The following NELL1 variants were observed in gnomAD, a reference collection of about 807,000 sequenced individuals.
NELL1 encodes protein kinase C-binding protein NELL1.
NELL1 carries 76 observed loss-of-function variants against 107.4 expected under a neutral mutation model. The ratio of observed to expected loss-of-function variants is 0.71; its 90% CI spans 0.59 to 0.86. The LOEUF is 0.86. Among genes scored for constraint, NELL1 ranks in the 40% least tolerant of loss-of-function variants. The probability of loss-of-function intolerance (pLI) is 0.00; values close to 1 mark genes in which losing one functional copy is unlikely to be tolerated. For synonymous variants in NELL1, 353 were observed against 341.2 expected (o/e 1.03, Z -0.38); for missense variants, 1,024 against 1,005.5 (o/e 1.02, Z -0.25).
intron 4 of NELL1, among the ~76,000 whole-genome samples, chr11:20,869,175 C>G (rs765884857): frequency 6.6e-6 from 1 of 152,102 alleles, no homozygotes; most frequent in Non-Finnish European, 1.5e-5. Context: ...GTTTACTTAA[C>G]TGATGTTTCT....
intron 15 of NELL1, among the ~76,000 whole-genome samples, chr11:21,421,856 C>T (rs1590920483): frequency 2.6e-5 from 4 of 152,038 alleles, no homozygotes; most frequent in Non-Finnish European, 4.4e-5. Context: ...ATAATCAAAC[C>T]GTCAAAACCC....
At position 20,669,765 on chromosome 11, in the gene NELL1, C is replaced by T. The variant is rs760704383; in HGVS notation, c.42C>T (p.Cys14=). 2 of 1,613,410 alleles carry T rather than the reference C, an allele frequency of 1.2e-6. No individual in the cohort carries two copies. Among genetic ancestry groups the T allele is most frequent in the Admixed American group, 3.3e-5 (2 of 59,988 alleles). The change falls in exon 1 of 20, where the codon TGC becomes TGT. Residue 14 remains cysteine, a synonymous_variant. Coordinates refer to ENST00000357134, the MANE Select transcript of NELL1 (RefSeq NM_006157.5). This position sits in a 1 kb window ranked among gnomAD's most constrained non-coding sequence, Gnocchi z 4.4. ...TTTTAGTTGTGTGGTTCTGTGTGTGCACTGCCAGGACAGGTAAGCATGACT... is the reference window on the plus strand; with the variant it reads ...TTTTAGTTGTGTGGTTCTGTGTGTGTACTGCCAGGACAGGTAAGCATGACT... ...DLILVVWFCV[C]TARTVVGFGM...
rs181562783 is a variant in NELL1 at position 21,310,691 on chromosome 11, C to T, written c.1550-60162C>T. 6.3e-4 allele frequency among the ~76,000 whole-genome samples: 96 copies of T among 151,878 alleles called. 1 individual carries two copies. Among genetic ancestry groups the T allele is most frequent in the South Asian group, 1.7e-3 (8 of 4,814 alleles). ...CATTATAGAAATCTAACACAGGATGCGATTTGGAAAGATGGTGTCCAAGCA... is the reference window on the plus strand; with the variant it reads ...CATTATAGAAATCTAACACAGGATGTGATTTGGAAAGATGGTGTCCAAGCA... On this transcript the variant is annotated intron_variant, in intron 14 of 19. Transcript: ENST00000357134.
In NELL1 at chr11:21,230,392, C is replaced by A. The variant is rs992830142; in HGVS notation, c.1549+938C>A. On this transcript the variant is annotated intron_variant, in intron 14 of 19. Coordinates refer to ENST00000357134, the MANE Select transcript of NELL1 (RefSeq NM_006157.5). ...ACAGTGAACACTTGATCTTCTCCCCCCATTGTCCCTGGCATTTAGAGTGTG... is the reference window on the plus strand; with the variant it reads ...ACAGTGAACACTTGATCTTCTCCCCACATTGTCCCTGGCATTTAGAGTGTG... Among the ~76,000 whole-genome samples, 84 of 152,308 alleles carry A rather than the reference C, an allele frequency of 5.5e-4. 1 individual carries two copies. Among genetic ancestry groups the A allele is most frequent in the Admixed American group, 4.6e-3 (71 of 15,298 alleles).
intron 19 of NELL1, among the ~76,000 whole-genome samples, chr11:21,573,651 T>G (rs1857155626): frequency 6.6e-6 from 1 of 151,856 alleles, no homozygotes; most frequent in Middle Eastern, 3.2e-3. Context: ...CTACATAATT[T>G]TGACAAGTGA....
intron 14 of NELL1, chr11:21,284,968 C>A (rs1055321250): frequency 5.1e-6 from 1 of 195,616 alleles, no homozygotes; most frequent in Admixed American, 5.3e-5. Context: ...GCCTTGGAGG[C>A]TAAGCTATCC....
chr11:21,340,427 C>T (rs908834065), intron 14 of NELL1, among the ~76,000 whole-genome samples: 3 of 152,186 alleles, frequency 2.0e-5, no homozygotes. Context: ...GCTGGGATTA[C>T]AGGCGTGAGC....
At chr11:21,308,273 T>C (rs1321804727) in intron 14 of NELL1, among the ~76,000 whole-genome samples, 1 of 151,984 alleles carries the variant, frequency 6.6e-6, no homozygotes, top group Non-Finnish European at 1.5e-5. Context: ...ATGTAGAAAC[T>C]GTTAAAGAAA....
At chr11:21,229,164 C>A (rs1171946493) in intron 13 of NELL1, among the ~76,000 whole-genome samples, 168 bp from the exon 14 acceptor site, 1 of 152,176 alleles carries the variant, frequency 6.6e-6, no homozygotes, top group Admixed American at 6.5e-5. Flanking sequence ...ATAATAACAT[C>A]TTTCTTTCAG....
At chr11:20,911,949 C>A (rs1434272037) in intron 5 of NELL1, among the ~76,000 whole-genome samples, 10 of 152,206 alleles carry the variant, frequency 6.6e-5, no homozygotes, top group African/African-American at 1.9e-4. Flanking sequence ...GAGGCAGCCA[C>A]TTCTCAGGTG....
chr11:21,298,638 C>T (rs7117553), intron 14 of NELL1, among the ~76,000 whole-genome samples: 3,778 of 152,038 alleles, frequency 0.025, 159 homozygotes, highest in African/African-American at 0.087. Flanking sequence ...TGAGAAGCCA[C>T]CAATAGGCCA....
At chr11:21,403,543 T>C (rs948650439) in intron 15 of NELL1, among the ~76,000 whole-genome samples, 1 of 149,586 alleles carries the variant, frequency 6.7e-6, no homozygotes, top group Non-Finnish European at 1.5e-5. Context: ...CTGCCTGCCA[T>C]CCCAGGCACC....
chr11:20,789,515 C>G (rs1293477968), intron 3 of NELL1, among the ~76,000 whole-genome samples: 1 of 152,184 alleles, frequency 6.6e-6, no homozygotes, highest in Non-Finnish European at 1.5e-5. Context: ...GGTCTGTGCT[C>G]CCCAAAGGGC....
intron 16 of NELL1, among the ~76,000 whole-genome samples, chr11:21,548,682 A>G (rs957340003): frequency 2.0e-5 from 3 of 151,726 alleles, no homozygotes; most frequent in Non-Finnish European, 4.4e-5. Flanking sequence ...CATATCAGAG[A>G]TTTACCATCT....
In NELL1 at chr11:20,986,359, G is replaced by T. The variant is rs528035879; in HGVS notation, c.1300+25799G>T. Among the ~76,000 whole-genome samples, 7 of 152,194 alleles carry T rather than the reference G, an allele frequency of 4.6e-5. 1 individual carries two copies. Among genetic ancestry groups the T allele is most frequent in the Admixed American group, 4.6e-4 (7 of 15,278 alleles). ...ATGTTCCAGATGTGGAGTGAAAGGC[G>T]TTGTTAAGAAAGATTGCATTTTTCA... On this transcript the variant is annotated intron_variant, in intron 12 of 19. Coordinates refer to ENST00000357134, the MANE Select transcript of NELL1 (RefSeq NM_006157.5).
chr11:21,189,489 A>G (rs560535011), intron 13 of NELL1, among the ~76,000 whole-genome samples: 41 of 151,922 alleles, frequency 2.7e-4, no homozygotes, highest in Admixed American at 4.6e-4. Flanking sequence ...ATAAAAATCA[A>G]AAAGACATGG....
At chr11:21,448,697 C>G (rs1162474454) in intron 15 of NELL1, among the ~76,000 whole-genome samples, 1 of 152,112 alleles carries the variant, frequency 6.6e-6, no homozygotes, top group East Asian at 1.9e-4. Flanking sequence ...CTAAAATTTC[C>G]TCATCCATTT....
intron 13 of NELL1, among the ~76,000 whole-genome samples, chr11:21,207,399 A>G (rs1236643853): frequency 6.6e-6 from 1 of 152,130 alleles, no homozygotes; most frequent in African/African-American, 2.4e-5. Flanking sequence ...GCAGGATGCC[A>G]TGAACTCTAT....
At position 21,197,031 on chromosome 11, in the gene NELL1, C is replaced by T. The variant is rs191230768; in HGVS notation, c.1427-32301C>T. Among the ~76,000 whole-genome samples the T allele has an allele frequency of 1.0e-2, 1,515 of 151,740 alleles. 18 individuals carry two copies. Among genetic ancestry groups the T allele is most frequent in the African/African-American group, 0.035 (1,435 of 41,370 alleles). On this transcript the variant is annotated intron_variant, in intron 13 of 19. Coordinates refer to ENST00000357134, the MANE Select transcript of NELL1 (RefSeq NM_006157.5). Reference sequence around the variant, plus strand: ...GGACTACAGGCACCTGCCACCATGCCCGGCTAATTTTTGTATTTTTATTAG... The same window carrying T: ...GGACTACAGGCACCTGCCACCATGCTCGGCTAATTTTTGTATTTTTATTAG...
Sources: gnomAD v4.1 joint callset for allele counts (sites outside exome capture counted in the v4.1 genomes callset) on GRCh38, gnomAD v4.1.1 for gene constraint, Gnocchi (gnomAD v3.1) non-coding constraint, MANE v1.5 for transcripts, NCBI Gene and HGNC (gene_info 2026-07-23, HGNC 2026-07-21) for gene names.